Variants in OSBPL6 observed in about 807,000 individuals in gnomAD.
OSBPL6 encodes oxysterol binding protein like 6.
In OSBPL6, 49 loss-of-function variants were observed where a neutral mutation model predicts 125.8. The ratio of observed to expected loss-of-function variants is 0.39; its 90% CI spans 0.31 to 0.49. The LOEUF is 0.49. Ranked by LOEUF, OSBPL6 falls within the 20% of genes least tolerant of loss-of-function variation. OSBPL6 has a pLI of 0.88. For missense variants in OSBPL6, 986 were observed against 1,135.4 expected (o/e 0.87, Z 1.89); for synonymous variants, 394 against 391.8 (o/e 1.01, Z -0.07).
chr2:178,342,795 A>G (rs1214601447), intron 11 of OSBPL6, among the ~76,000 whole-genome samples: 1 of 152,198 alleles, frequency 6.6e-6, no homozygotes, highest in African/African-American at 2.4e-5. Flanking sequence ...TGAATTAAAT[A>G]CTAGATCCCT....
chr2:178,313,435 TATATGTATCTCC>T, intron 3 of OSBPL6, among the ~76,000 whole-genome samples: 1 of 152,326 alleles, frequency 6.6e-6, no homozygotes, highest in South Asian at 2.1e-4. Flanking sequence ...GGTGAATTCT[TATATGTATCTCC>T]ACCAGGTTAG....
At chr2:178,299,902 G>A (rs1686128753) in intron 2 of OSBPL6, among the ~76,000 whole-genome samples, 1 of 152,184 alleles carries the variant, frequency 6.6e-6, no homozygotes, top group Non-Finnish European at 1.5e-5. Context: ...GGCCTAAGAA[G>A]AGTGGAGAGA....
At chr2:178,229,558 G>A (rs913159821) in intron 1 of OSBPL6, among the ~76,000 whole-genome samples, 2 of 152,152 alleles carry the variant, frequency 1.3e-5, no homozygotes, top group Non-Finnish European at 2.9e-5. Flanking sequence ...GGCTGGGTGA[G>A]GTGGTTCACT....
chr2:178,352,885 T>C (rs1189121787), intron 12 of OSBPL6, among the ~76,000 whole-genome samples: 1 of 152,138 alleles, frequency 6.6e-6, no homozygotes, highest in African/African-American at 2.4e-5. Flanking sequence ...GAGACGAAGC[T>C]TCCAGAGGAA....
intron 1 of OSBPL6, among the ~76,000 whole-genome samples, chr2:178,230,189 A>G (rs542923426): frequency 4.6e-5 from 7 of 152,188 alleles, no homozygotes; most frequent in Non-Finnish European, 1.0e-4. Context: ...CTCAGATCCC[A>G]TTGAGTAGAG....
At chr2:178,292,928 A>G (rs553610700) in intron 2 of OSBPL6, among the ~76,000 whole-genome samples, 15 of 152,260 alleles carry the variant, frequency 9.9e-5, no homozygotes, top group African/African-American at 2.9e-4. Context: ...TGTTTAGAAT[A>G]CCAAATTTGA....
At chr2:178,299,767 A>G (rs1397122487) in intron 2 of OSBPL6, among the ~76,000 whole-genome samples, 1 of 152,254 alleles carries the variant, frequency 6.6e-6, no homozygotes, top group Non-Finnish European at 1.5e-5. Flanking sequence ...ATTCAGATGT[A>G]GAGCTAAACA....
intron 2 of OSBPL6, among the ~76,000 whole-genome samples, chr2:178,288,283 G>A (rs1030679556): frequency 1.3e-5 from 2 of 152,136 alleles, no homozygotes; most frequent in Non-Finnish European, 2.9e-5. Context: ...TAGCAGGCCA[G>A]TAGCCACCTC....
chr2:178,319,812 GA>G (rs1308176760), intron 3 of OSBPL6, among the ~76,000 whole-genome samples: 1 of 152,196 alleles, frequency 6.6e-6, no homozygotes, highest in Non-Finnish European at 1.5e-5. Flanking sequence ...AAAGCTTGAA[GA>G]ACGTACTTTA....
rs990338627 is a variant in OSBPL6 at position 178,401,570 on chromosome 2, T to C, written c.*6011T>C. 2 of 152,060 alleles carry C rather than the reference T, an allele frequency of 1.3e-5. No homozygotes were observed. Among genetic ancestry groups the C allele is most frequent in the Non-Finnish European group, 2.9e-5 (2 of 68,008 alleles). The allele number at this position is 152,060 out of a possible 1,614,324, so 9.4% of individuals were successfully genotyped here. A position where few individuals can be genotyped will look rare whatever the true frequency, so the allele number is the denominator to read the frequency against. ...CACATACAAAATGGTTAACATGAAA[T>C]GCTAATGAAGAAACAAGGCAAGAAT... On this transcript the variant is annotated 3_prime_UTR_variant, in exon 25 of 25. Coordinates refer to ENST00000190611, the MANE Select transcript of OSBPL6 (RefSeq NM_032523.4).
At chr2:178,390,883 A>G (rs1305636262) in intron 21 of OSBPL6, among the ~76,000 whole-genome samples, 190 bp from the exon 22 acceptor site, 1 of 152,222 alleles carries the variant, frequency 6.6e-6, no homozygotes, top group Non-Finnish European at 1.5e-5. Flanking sequence ...AATAGAGACC[A>G]TCCCTTTCTT....
At chr2:178,376,804 G>C (rs924637156) in intron 15 of OSBPL6, among the ~76,000 whole-genome samples, 1 of 152,162 alleles carries the variant, frequency 6.6e-6, no homozygotes, top group Non-Finnish European at 1.5e-5. Flanking sequence ...GTCCCTTGCT[G>C]TAGCAAGGAG....
intron 1 of OSBPL6, among the ~76,000 whole-genome samples, chr2:178,241,773 A>G (rs1019927983): frequency 8.5e-5 from 13 of 152,210 alleles, no homozygotes; most frequent in African/African-American, 3.1e-4. Context: ...TGCCTTGGAC[A>G]ACAGTGACTT....
intron 1 of OSBPL6, among the ~76,000 whole-genome samples, chr2:178,270,219 T>C (rs913119035): frequency 3.3e-5 from 5 of 152,174 alleles, no homozygotes; most frequent in Non-Finnish European, 5.9e-5. Context: ...TTGGCTCCCT[T>C]ATCAAAGATG....
chr2:178,380,906 A>T lies in OSBPL6; in HGVS notation c.1534-1514A>T, dbSNP rs181412074. Among the ~76,000 whole-genome samples, 373 of 152,338 alleles carry T rather than the reference A, an allele frequency of 2.4e-3. 4 individuals are homozygous for T. The highest frequency in any genetic ancestry group is 8.5e-3 in the African/African-American group (355 of 41,578). ...GTAAACTGATCTCCTTTTTCAGTAT[A>T]TAAAGATAGATGTGTCAATATGTTT... On this transcript the variant is annotated intron_variant, in intron 15 of 24. Transcript: ENST00000190611.
intron 1 of OSBPL6, among the ~76,000 whole-genome samples, chr2:178,254,325 G>C (rs758662404): frequency 2.6e-5 from 4 of 151,634 alleles, no homozygotes; most frequent in African/African-American, 9.7e-5. Context: ...CCCGAGAGGC[G>C]GAGGTTGCAG....
intron 13 of OSBPL6, among the ~76,000 whole-genome samples, chr2:178,363,195 TTTCTTGCTTGCC>T (rs1179348374): frequency 1.3e-5 from 2 of 152,214 alleles, no homozygotes; most frequent in Non-Finnish European, 2.9e-5. Flanking sequence ...AATGCATTTG[TTTCTTGCTTGCC>T]TGCTTGCTTG....
In OSBPL6 at chr2:178,272,199, G is replaced by A. The variant is rs576103982; in HGVS notation, c.-350-12728G>A. Among the ~76,000 whole-genome samples the A allele has an allele frequency of 6.6e-5, 10 of 152,294 alleles. No homozygotes were observed. The East Asian group carries it at 1.9e-3, about 29-fold the overall frequency. On this transcript the variant is annotated intron_variant, in intron 1 of 24. Coordinates refer to ENST00000190611, the MANE Select transcript of OSBPL6 (RefSeq NM_032523.4). ...CAGCCTCCACTTGGCGATCCAAAAA[G>A]CATTTCAGTTACTGCCAAGTGCCAT...
rs1696082540 is a variant in OSBPL6 at position 178,400,810 on chromosome 2, C to T, written c.*5251C>T. 2 of 152,080 alleles carry T rather than the reference C, an allele frequency of 1.3e-5. No homozygotes were observed. Among genetic ancestry groups the T allele is most frequent in the Non-Finnish European group, 2.9e-5 (2 of 68,026 alleles). The allele number at this position is 152,080 out of a possible 1,614,324, so 9.4% of individuals were successfully genotyped here. On this transcript the variant is annotated 3_prime_UTR_variant, in exon 25 of 25. Coordinates refer to ENST00000190611, the MANE Select transcript of OSBPL6 (RefSeq NM_032523.4). ...TGCTTTTATTATTTTTAAAAGTTAG[C>T]GTATTTTCTTATATGTATTGCATAT...
Sources: allele counts gnomAD v4.1 joint callset (sites outside exome capture counted in the v4.1 genomes callset), GRCh38; gene constraint gnomAD v4.1.1; transcripts MANE v1.5; gene names NCBI Gene and HGNC (gene_info 2026-07-23, HGNC 2026-07-21).